Variants in MYO16 observed in about 807,000 individuals in gnomAD.
MYO16 encodes unconventional myosin-XVI.
A neutral mutation model predicts 205.3 loss-of-function variants in MYO16; 94 were observed. That is an observed-to-expected ratio of 0.46 (90% CI 0.39 to 0.54). The LOEUF (loss-of-function observed/expected upper bound fraction) is 0.54. Ranked by LOEUF, MYO16 falls within the 20% of genes least tolerant of loss-of-function variation. MYO16 has a pLI of 0.00. For synonymous variants in MYO16, 988 were observed against 954.0 expected (o/e 1.04, Z -0.66); for missense variants, 2,315 against 2,387.5 (o/e 0.97, Z 0.63).
rs1406377869 is a variant in MYO16 at position 109,162,565 on chromosome 13, T to C, written c.5165-2336T>C. On this transcript the variant is annotated intron_variant, in intron 32 of 34. Coordinates refer to ENST00000457511, the MANE Select transcript of MYO16 (RefSeq NM_001198950.3). The surrounding 1 kb of genome is among the most constrained non-coding windows in gnomAD (Gnocchi z 4.6). ...CACCAGTGTTTTCCACTTACTAGGT[T>C]TTCCACGTAGCTGTGAGTCCACCAC... Among the ~76,000 whole-genome samples the C allele has an allele frequency of 6.6e-6, 1 of 152,150 alleles. No homozygotes were observed.
At chr13:108,797,190 G>T (rs1386756634) in intron 6 of MYO16, among the ~76,000 whole-genome samples, 1 of 152,210 alleles carries the variant, frequency 6.6e-6, no homozygotes, top group African/African-American at 2.4e-5. Context: ...CAAACCTAAA[G>T]CAGGAAAGAC....
At chr13:108,653,959 A>T (rs1285250102) in intron 1 of MYO16, among the ~76,000 whole-genome samples, 1 of 152,174 alleles carries the variant, frequency 6.6e-6, no homozygotes, top group Non-Finnish European at 1.5e-5. Context: ...AAAACTATGT[A>T]GTCTTTGGCA....
intron 29 of MYO16, 42 bp downstream of exon 29, chr13:109,120,508 T>G: frequency 6.6e-7 from 1 of 1,507,120 alleles, no homozygotes; most frequent in Non-Finnish European, 9.2e-7. Context: ...ATTTGAGTTG[T>G]GAAATGCAAA....
In MYO16 at chr13:108,712,742, C is replaced by T. The variant is rs375222127; in HGVS notation, c.363+11C>T. 11 of 1,609,660 alleles carry T rather than the reference C, an allele frequency of 6.8e-6. No homozygotes were observed. Among genetic ancestry groups the T allele is most frequent in the East Asian group, 2.2e-5 (1 of 44,764 alleles). ...TCCCTGCTCCATCTGGTAAGAACCG[C>T]GACAGTCAGTGCCAGTGCATGGGGA... On this transcript the variant is annotated intron_variant, in intron 3 of 34. Coordinates refer to ENST00000457511, the MANE Select transcript of MYO16 (RefSeq NM_001198950.3).
chr13:108,834,512 C>A (rs1172517910), intron 9 of MYO16, among the ~76,000 whole-genome samples: 1 of 151,952 alleles, frequency 6.6e-6, no homozygotes, highest in Non-Finnish European at 1.5e-5. Flanking sequence ...TAGAGATAGT[C>A]CAAAGTTGAG....
chr13:109,091,186 A>G (rs142693067), intron 27 of MYO16, among the ~76,000 whole-genome samples: 1 of 152,344 alleles, frequency 6.6e-6, no homozygotes, highest in Non-Finnish European at 1.5e-5. Flanking sequence ...CATGGCAGGT[A>G]CAGACACCAT....
At chr13:109,104,953 G>A (rs1889076969) in intron 28 of MYO16, among the ~76,000 whole-genome samples, 1 of 152,060 alleles carries the variant, frequency 6.6e-6, no homozygotes, top group African/African-American at 2.4e-5. Context: ...TTACGCTTCA[G>A]ATTGCAGTCC....
chr13:108,928,138 G>A (rs980448654), intron 16 of MYO16, among the ~76,000 whole-genome samples: 18 of 152,190 alleles, frequency 1.2e-4, no homozygotes, highest in Admixed American at 1.3e-4. Context: ...CAAGGAGAGA[G>A]GGATGGGAGC....
intron 1 of MYO16, among the ~76,000 whole-genome samples, chr13:108,613,236 A>G (rs1298747489): frequency 3.9e-5 from 6 of 152,218 alleles, no homozygotes; most frequent in Non-Finnish European, 8.8e-5. Flanking sequence ...TGTCTGGGAA[A>G]TCTACATAAT....
intron 13 of MYO16, among the ~76,000 whole-genome samples, chr13:108,883,982 A>C (rs998836715): frequency 6.6e-6 from 1 of 152,164 alleles, no homozygotes; most frequent in Non-Finnish European, 1.5e-5. Context: ...ATTAATAGAA[A>C]ATTAAAGAAA....
the MYO16 span, among the ~76,000 whole-genome samples, chr13:108,529,229 C>A: frequency 3.3e-5 from 5 of 152,048 alleles, no homozygotes; most frequent in East Asian, 9.6e-4. Context: ...CTTTGATTCT[C>A]ATCTCTCTGC....
intron 31 of MYO16, among the ~76,000 whole-genome samples, chr13:109,134,384 CA>C (rs369271742): frequency 6.6e-5 from 10 of 152,216 alleles, no homozygotes; most frequent in African/African-American, 1.9e-4. Flanking sequence ...TTTTGCATAA[CA>C]ACCCACCCAG....
Position 109,125,439 on chromosome 13 carries a change from C to T in MYO16, c.3782+81C>T. ...ATGAAAATTCAAATAGCCCTTAATG[C>T]AGAGTTCAATCAAATATGACAGGAG... On this transcript the variant is annotated intron_variant, in intron 30 of 34. Transcript: ENST00000457511. This position sits in a 1 kb window ranked among gnomAD's most constrained non-coding sequence, Gnocchi z 4.0. The T allele has an allele frequency of 6.5e-7, 1 of 1,542,812 alleles. No individual in the cohort carries two copies. The highest frequency in any genetic ancestry group is 1.2e-5 in the South Asian group (1 of 81,882).
At chr13:109,160,638 G>A (rs779470881) in intron 32 of MYO16, among the ~76,000 whole-genome samples, 2 of 152,100 alleles carry the variant, frequency 1.3e-5, no homozygotes, top group Admixed American at 6.5e-5. Context: ...ATATTATACA[G>A]GATGTACAGT....
At chr13:108,680,346 T>C (rs908515397) in intron 2 of MYO16, among the ~76,000 whole-genome samples, 1 of 152,264 alleles carries the variant, frequency 6.6e-6, no homozygotes, top group Non-Finnish European at 1.5e-5. Context: ...TGTCAATTTC[T>C]AGATAGCTAG....
At chr13:108,813,865 A>G (rs1887369213) in intron 7 of MYO16, among the ~76,000 whole-genome samples, 2 of 152,164 alleles carry the variant, frequency 1.3e-5, no homozygotes, top group Non-Finnish European at 2.9e-5. Context: ...GTTAAAACAG[A>G]TGTTCCAGAG....
intron 31 of MYO16, among the ~76,000 whole-genome samples, chr13:109,137,871 C>T (rs1295089466): frequency 6.6e-6 from 1 of 152,194 alleles, no homozygotes; most frequent in Non-Finnish European, 1.5e-5. Flanking sequence ...CCAAGCCCAG[C>T]ACAAACACAC....
At chr13:108,554,588 G>A in the MYO16 span, among the ~76,000 whole-genome samples, 7,410 of 152,066 alleles carry the variant, frequency 0.049, 543 homozygotes, top group African/African-American at 0.16. Context: ...GGTGGCTCAC[G>A]CCTGTAATCC....
At chr13:108,539,810 A>C in the MYO16 span, among the ~76,000 whole-genome samples, 5 of 152,112 alleles carry the variant, frequency 3.3e-5, no homozygotes, top group Non-Finnish European at 5.9e-5. Flanking sequence ...AAGCTCAGCC[A>C]AAAGAGTAGA....
Sources: gnomAD v4.1 joint callset for allele counts (sites outside exome capture counted in the v4.1 genomes callset) on GRCh38, gnomAD v4.1.1 for gene constraint, Gnocchi (gnomAD v3.1) non-coding constraint, MANE v1.5 for transcripts, NCBI Gene and HGNC (gene_info 2026-07-23, HGNC 2026-07-21) for gene names.